FRMPD4: variants seen among roughly 807,000 people sequenced by gnomAD.
FRMPD4 encodes the protein FERM and PDZ domain-containing protein 4.
Under a neutral mutation model 94.1 loss-of-function variants are expected in FRMPD4, and 22 were observed. The observed-to-expected ratio is 0.23, with a 90% CI of 0.17 to 0.33. FRMPD4 has a LOEUF of 0.33. Ranked by LOEUF, FRMPD4 falls within the 10% of genes least tolerant of loss-of-function variation. The pLI, the probability that FRMPD4 is intolerant of heterozygous loss-of-function variation, is 1.00. For synonymous variants in FRMPD4, 631 were observed against 548.6 expected, an observed-to-expected ratio of 1.15 and a Z score of -2.10; for missense variants, 1,111 against 1,339.9, an observed-to-expected ratio of 0.83 and a Z score of 2.67.
chrX:11,920,821 T>G (rs1416518911), intron 3 of FRMPD4, among the ~76,000 whole-genome samples: 1 of 111,619 alleles, frequency 9.0e-6, no homozygotes, highest in African/African-American at 3.3e-5. Flanking sequence ...CTGCTGCTCA[T>G]TCTAGGAAGT....
intron 1 of FRMPD4, among the ~76,000 whole-genome samples, chrX:12,367,674 G>A (rs150663364): frequency 8.3e-4 from 92 of 111,143 alleles, no homozygotes; most frequent in African/African-American, 2.8e-3. Flanking sequence ...GAGATGCTTC[G>A]AGGTCCTTTC....
chrX:12,030,338 T>C (rs2054684357), intron 3 of FRMPD4, among the ~76,000 whole-genome samples: 1 of 112,359 alleles, frequency 8.9e-6, no homozygotes, highest in Non-Finnish European at 1.9e-5. Flanking sequence ...ACAGTCAAGA[T>C]GATGGAGTAA....
At chrX:12,123,979 C>T (rs762682240) in intron 3 of FRMPD4, among the ~76,000 whole-genome samples, 8 of 111,380 alleles carry the variant, frequency 7.2e-5, no homozygotes, top group African/African-American at 2.6e-4. Context: ...CTTGTGGGCC[C>T]TCTAACCTCC....
At chrX:12,282,876 G>GC (rs1165739502) in intron 1 of FRMPD4, among the ~76,000 whole-genome samples, 1,894 of 112,412 alleles carry the variant, frequency 0.017, 39 homozygotes, top group African/African-American at 0.058. Context: ...GAAATTTCCA[G>GC]AAAGGTCAAT....
chrX:12,101,615 T>C (rs993446308), intron 3 of FRMPD4, among the ~76,000 whole-genome samples: 3 of 111,717 alleles, frequency 2.7e-5, no homozygotes, highest in African/African-American at 9.8e-5. Context: ...TCCATTCTAG[T>C]ATGTCAGTGT....
At chrX:12,100,753 T>C (rs1216461095) in intron 3 of FRMPD4, among the ~76,000 whole-genome samples, 1 of 111,848 alleles carries the variant, frequency 8.9e-6, no homozygotes, top group Non-Finnish European at 1.9e-5. Flanking sequence ...CCTTTCTTAA[T>C]GGAGAGCATT....
chrX:12,450,732 C>G (rs1184368028), intron 1 of FRMPD4, among the ~76,000 whole-genome samples: 1 of 109,814 alleles, frequency 9.1e-6, no homozygotes, highest in Non-Finnish European at 1.9e-5. Flanking sequence ...CATAGTTTTC[C>G]TCAAATAAAC....
At chrX:12,430,422 G>C (rs2056998227) in intron 1 of FRMPD4, among the ~76,000 whole-genome samples, 1 of 112,373 alleles carries the variant, frequency 8.9e-6, no homozygotes, top group Non-Finnish European at 1.9e-5. Context: ...TTACCCATCA[G>C]TCTCCCAAAC....
In FRMPD4 at chrX:12,718,582, T is replaced by C; in HGVS notation, c.3756T>C (p.Ser1252=). 1 of 1,210,273 alleles carries C rather than the reference T, an allele frequency of 8.3e-7. No individual in the cohort carries two copies. The highest frequency in any genetic ancestry group is 1.1e-6 in the Non-Finnish European group (1 of 894,049). ...GGAAGCACTTGATTCCTGACGCTTC[T>C]GGGAAAGGCGTGAATTACATTCCTT... ...SLGKHLIPDA[S]GKGVNYIPSE... The change falls in exon 16 of 17, where the codon TCT becomes TCC. Residue 1252 remains serine, a synonymous_variant. Coordinates refer to ENST00000675598, the MANE Select transcript of FRMPD4 (RefSeq NM_001368397.1).
At chrX:11,892,313 C>G (rs1021295787) in intron 3 of FRMPD4, among the ~76,000 whole-genome samples, 2 of 112,254 alleles carry the variant, frequency 1.8e-5, no homozygotes, top group Admixed American at 9.5e-5. Flanking sequence ...AAAGAGTAAA[C>G]TGGCTTGAAA....
chrX:11,869,467 G>A (rs1267035415), intron 2 of FRMPD4, among the ~76,000 whole-genome samples: 1 of 111,638 alleles, frequency 9.0e-6, no homozygotes, highest in Non-Finnish European at 1.9e-5. Context: ...GTCTCACCAT[G>A]AAAAAGGATA....
intron 4 of FRMPD4, among the ~76,000 whole-genome samples, chrX:12,616,001 A>G (rs771483680): frequency 5.4e-5 from 6 of 110,727 alleles, no homozygotes; most frequent in African/African-American, 2.0e-4. Context: ...GCAAAAAGAG[A>G]AATAGAAAGA....
At chrX:12,623,999 T>A (rs2059323528) in intron 4 of FRMPD4, among the ~76,000 whole-genome samples, 1 of 111,892 alleles carries the variant, frequency 8.9e-6, no homozygotes, top group South Asian at 3.7e-4. Flanking sequence ...GGCAACACAG[T>A]GCGATCCCAT....
chrX:12,349,043 C>T (rs2055759650), intron 1 of FRMPD4, among the ~76,000 whole-genome samples: 1 of 111,524 alleles, frequency 9.0e-6, no homozygotes, highest in Non-Finnish European at 1.9e-5. Flanking sequence ...GGGAAACGCC[C>T]AGCAAGTGGG....
intron 3 of FRMPD4, among the ~76,000 whole-genome samples, chrX:12,066,428 A>T (rs2054920559): frequency 8.9e-6 from 1 of 111,862 alleles, no homozygotes; most frequent in Non-Finnish European, 1.9e-5. Flanking sequence ...CCTTTTTGTG[A>T]GCATGATGCG....
chrX:12,058,323 G>A (rs925813044), intron 3 of FRMPD4, among the ~76,000 whole-genome samples: 2 of 111,560 alleles, frequency 1.8e-5, no homozygotes, highest in Non-Finnish European at 3.8e-5. Flanking sequence ...GCAGATAGGG[G>A]AAGTTTAGAG....
chrX:12,335,295 T>G (rs2055499244), intron 1 of FRMPD4, among the ~76,000 whole-genome samples: 1 of 109,924 alleles, frequency 9.1e-6, no homozygotes, highest in Admixed American at 9.7e-5. Context: ...CCCAGCTAAT[T>G]TTTAAACTTT....
chrX:12,531,071 A>G (rs2058281068), intron 2 of FRMPD4, among the ~76,000 whole-genome samples: 1 of 110,331 alleles, frequency 9.1e-6, no homozygotes. Flanking sequence ...GAGCAATTAG[A>G]AAATTAATCT....
At chrX:12,080,664 T>A (rs2055054887) in intron 3 of FRMPD4, among the ~76,000 whole-genome samples, 1 of 112,316 alleles carries the variant, frequency 8.9e-6, no homozygotes, top group Admixed American at 9.4e-5. Context: ...CAGTTATTCC[T>A]AGGAGAAAAA....
Sources: allele counts gnomAD v4.1 joint callset (sites outside exome capture counted in the v4.1 genomes callset), GRCh38; gene constraint gnomAD v4.1.1; transcripts MANE v1.5; gene names NCBI Gene and HGNC (gene_info 2026-07-23, HGNC 2026-07-21).